The following WDSUB1 variants were observed in gnomAD, a reference collection of about 807,000 sequenced individuals.
WDSUB1 encodes WD repeat, SAM and U-box domain-containing protein 1.
In WDSUB1, 49 loss-of-function variants were observed where a neutral mutation model predicts 53.9. That is an observed-to-expected ratio of 0.91 (90% CI 0.72 to 1.15). WDSUB1 has a LOEUF of 1.15. Among genes scored for constraint, WDSUB1 ranks in the 50% most tolerant of loss-of-function variants. The pLI is 0.00. For missense variants in WDSUB1, 514 were observed against 562.0 expected, an observed-to-expected ratio of 0.91 and a Z score of 0.86; for synonymous variants, 194 against 200.6, an observed-to-expected ratio of 0.97 and a Z score of 0.28.
At chr2:159,252,010 G>A (rs775395514) in intron 9 of WDSUB1, among the ~76,000 whole-genome samples, 1 of 152,132 alleles carries the variant, frequency 6.6e-6, no homozygotes. Context: ...AAGACAGCAC[G>A]AGAGCCTGGA....
In WDSUB1 at chr2:159,280,690, CAAAAA is replaced by C. The variant is rs58584838; in HGVS notation, c.399-750_399-746del. Among the ~76,000 whole-genome samples the C allele has an allele frequency of 2.9e-3, 174 of 59,594 alleles. 9 individuals carry two copies. The highest frequency in any genetic ancestry group is 0.017 in the African/African-American group (171 of 9,878). 39.1% of individuals were successfully genotyped at this position (59,594 alleles called of 152,430 possible). On this transcript the variant is annotated intron_variant, in intron 2 of 10. Transcript: ENST00000359774. ...TGGGCGACAGAGCGAGACTCCGTCT[CAAAAA>C]AAAAAAAAAAAAAATTACCCAGAAG...
chr2:159,278,969 C>A (rs910275004), intron 3 of WDSUB1, among the ~76,000 whole-genome samples: 29 of 152,208 alleles, frequency 1.9e-4, no homozygotes, highest in African/African-American at 6.7e-4. Context: ...AATATACATA[C>A]CAGATTTCAA....
Position 159,282,738 on chromosome 2 carries a change from C to T in WDSUB1, c.332G>A (p.Cys111Tyr), listed in dbSNP as rs1328235680. The change falls in exon 2 of 11, where the codon TGT (cysteine) becomes TAT (tyrosine). Residue 111 changes from cysteine (C) to tyrosine (Y), a missense_variant. Cys to Tyr is a radical substitution (Grantham distance 194). Coordinates refer to ENST00000359774, the MANE Select transcript of WDSUB1 (RefSeq NM_001128212.3). Reference sequence around the variant, plus strand: ...TCCATCAGCTGCCCCTGATGCCAAACACGTGGAGTCTGGGGAAAACTGGCA... The same window carrying T: ...TCCATCAGCTGCCCCTGATGCCAAATACGTGGAGTCTGGGGAAAACTGGCA... ...RVCQFSPDST[C>Y]LASGAADGTV... is the part of the protein sequence containing the mutation. 6.2e-7 allele frequency: 1 copy of T among 1,614,022 alleles called. No individual in the cohort carries two copies. The highest frequency in any genetic ancestry group is 1.3e-5 in the African/African-American group (1 of 74,886).
intron 5 of WDSUB1, among the ~76,000 whole-genome samples, chr2:159,264,624 G>A (rs989418632): frequency 2.0e-5 from 3 of 152,146 alleles, no homozygotes; most frequent in African/African-American, 7.2e-5. Context: ...GCAAGCGCTG[G>A]GCCATGGAGC....
intron 9 of WDSUB1, among the ~76,000 whole-genome samples, chr2:159,251,354 T>C (rs1257684311): frequency 6.6e-6 from 1 of 152,148 alleles, no homozygotes; most frequent in Non-Finnish European, 1.5e-5. Flanking sequence ...TCTACATGTG[T>C]GCTAATACTT....
chr2:159,239,882 A>G (rs2060597831), intron 10 of WDSUB1, among the ~76,000 whole-genome samples: 1 of 152,186 alleles, frequency 6.6e-6, no homozygotes, highest in African/African-American at 2.4e-5. Context: ...CTGAGAAACT[A>G]AACTTCTGTT....
chr2:159,285,527 A>G (rs1023513715), intron 1 of WDSUB1, among the ~76,000 whole-genome samples: 1 of 146,074 alleles, frequency 6.8e-6, no homozygotes, highest in African/African-American at 2.8e-5. Context: ...GCAACAAGGC[A>G]AGACCCCATC....
At chr2:159,266,569 C>G (rs6761921) in intron 5 of WDSUB1, among the ~76,000 whole-genome samples, 3 of 152,002 alleles carry the variant, frequency 2.0e-5, no homozygotes, top group Admixed American at 6.6e-5. Flanking sequence ...TGATTCAATT[C>G]TTCACTTCTC....
chr2:159,241,600 G>A (rs540267906), intron 10 of WDSUB1, among the ~76,000 whole-genome samples: 70 of 147,752 alleles, frequency 4.7e-4, no homozygotes, highest in Non-Finnish European at 9.3e-4. Context: ...TGGCAAAAAT[G>A]ACCAAGCCAA....
intron 1 of WDSUB1, among the ~76,000 whole-genome samples, chr2:159,286,176 AAC>A (rs1553461650): frequency 2.0e-5 from 3 of 152,120 alleles, no homozygotes; most frequent in Non-Finnish European, 2.9e-5. Flanking sequence ...GGCCAGCGTA[AAC>A]ACATGAATCC....
intron 6 of WDSUB1, 56 bp downstream of exon 6, chr2:159,259,754 C>A: frequency 6.8e-7 from 1 of 1,465,084 alleles, no homozygotes; most frequent in Non-Finnish European, 9.2e-7. Flanking sequence ...ACTTGAAGTT[C>A]AGTAGTCTAA....
intron 9 of WDSUB1, among the ~76,000 whole-genome samples, chr2:159,255,863 T>C (rs149823484): frequency 0.019 from 2,962 of 152,224 alleles, 37 homozygotes; most frequent in Non-Finnish European, 0.027. Context: ...TTGGTAAAGA[T>C]CTAGTACCCA....
chr2:159,246,151 G>GGCC (rs1308536172), intron 10 of WDSUB1, among the ~76,000 whole-genome samples: 1 of 152,122 alleles, frequency 6.6e-6, no homozygotes, highest in African/African-American at 2.4e-5. Context: ...CACAATAAGA[G>GGCC]GCCGGGTACA....
chr2:159,267,536 C>T (rs377009013), intron 5 of WDSUB1, among the ~76,000 whole-genome samples: 1 of 152,104 alleles, frequency 6.6e-6, no homozygotes, highest in Non-Finnish European at 1.5e-5. Flanking sequence ...AACTCCTGGC[C>T]TCAAGTGATC....
chr2:159,257,216 A>G (rs1330500306), intron 8 of WDSUB1, among the ~76,000 whole-genome samples: 4 of 151,844 alleles, frequency 2.6e-5, no homozygotes, highest in Non-Finnish European at 5.9e-5. Context: ...TGCCCAAGCT[A>G]ATCTCAGACT....
chr2:159,242,539 G>A (rs1214949064), intron 10 of WDSUB1, among the ~76,000 whole-genome samples: 2 of 147,392 alleles, frequency 1.4e-5, no homozygotes, highest in African/African-American at 5.3e-5. Context: ...GCACATGCCT[G>A]TAATCCCAGC....
At chr2:159,274,135 G>A (rs73967297) in intron 4 of WDSUB1, among the ~76,000 whole-genome samples, 4,333 of 152,286 alleles carry the variant, frequency 0.028, 194 homozygotes, top group African/African-American at 0.094. Context: ...AAGTAATGAA[G>A]AAGTATAAAA....
At chr2:159,266,272 A>T (rs6732931) in intron 5 of WDSUB1, among the ~76,000 whole-genome samples, 86,413 of 150,986 alleles carry the variant, frequency 0.57, 25,949 homozygotes, top group African/African-American at 0.72. Context: ...CACCGCAAGC[A>T]CCGCCTCCCG....
intron 6 of WDSUB1, 106 bp downstream of exon 6, chr2:159,259,704 T>C (rs568391424): frequency 8.2e-7 from 1 of 1,221,190 alleles, no homozygotes; most frequent in Non-Finnish European, 1.1e-6. Context: ...TTCTTAGTCA[T>C]ACTAAACAGA....
Sources: allele counts gnomAD v4.1 joint callset (sites outside exome capture counted in the v4.1 genomes callset), GRCh38; gene constraint gnomAD v4.1.1; transcripts MANE v1.5; gene names NCBI Gene and HGNC (gene_info 2026-07-23, HGNC 2026-07-21).